ATP10A: variants seen among roughly 807,000 people sequenced by gnomAD.
The protein encoded by ATP10A is ATPase phospholipid transporting 10A (putative), also known as phospholipid-transporting ATPase VA.
Under a neutral mutation model 147.8 loss-of-function variants are expected in ATP10A, and 111 were observed. That is an observed-to-expected ratio of 0.75 (90% CI 0.64 to 0.88). The LOEUF is 0.88. Ranked by LOEUF, ATP10A falls within the 40% of genes least tolerant of loss-of-function variation. The probability of loss-of-function intolerance (pLI) is 0.00; values close to 1 mark genes in which losing one functional copy is unlikely to be tolerated. For missense variants in ATP10A, 1,927 were observed against 1,959.0 expected, an observed-to-expected ratio of 0.98 and a Z score of 0.31; for synonymous variants, 875 against 841.6, an observed-to-expected ratio of 1.04 and a Z score of -0.69.
chr15:25,857,433 C>T (rs1036427282), intron 1 of ATP10A, among the ~76,000 whole-genome samples: 7 of 152,100 alleles, frequency 4.6e-5, no homozygotes, highest in African/African-American at 7.2e-5. Context: ...GGCAACAGGG[C>T]AAGACTCTGT....
intron 1 of ATP10A, among the ~76,000 whole-genome samples, chr15:25,817,633 C>T (rs1373685174): frequency 6.6e-6 from 1 of 152,156 alleles, no homozygotes; most frequent in African/African-American, 2.4e-5. Context: ...TCTTTCCTTT[C>T]CCCCAAATCT....
chr15:25,807,665 G>T (rs1172042283), intron 1 of ATP10A, among the ~76,000 whole-genome samples: 1 of 152,108 alleles, frequency 6.6e-6, no homozygotes, highest in East Asian at 1.9e-4. Flanking sequence ...AGCTGGGCAT[G>T]GTGGTGCACA....
intron 2 of ATP10A, among the ~76,000 whole-genome samples, chr15:25,780,547 C>T (rs114243909): frequency 0.036 from 5,488 of 152,246 alleles, 119 homozygotes; most frequent in Middle Eastern, 0.068. Flanking sequence ...CACCCCTCAC[C>T]CTGCTGCACG....
rs1343034240 is a variant in ATP10A, at chr15:25,863,118, G to C, written c.-22C>G. On this transcript the variant is annotated 5_prime_UTR_variant, in exon 1 of 21. Coordinates refer to ENST00000555815, the MANE Select transcript of ATP10A (RefSeq NM_024490.4). ...CCATGGCCGCGTGTCGCCGCGCCCG[G>C]CTCCTCCGCCGCTCACGCCCGCCCG... 3 of 1,155,292 alleles carry C rather than the reference G, an allele frequency of 2.6e-6. No homozygotes were observed. The highest frequency in any genetic ancestry group is 3.2e-6 in the Non-Finnish European group (3 of 939,958). The allele number at this position is 1,155,292 out of a possible 1,614,324, so 71.6% of individuals were successfully genotyped here.
intron 1 of ATP10A, among the ~76,000 whole-genome samples, chr15:25,798,761 C>A (rs370107654): frequency 6.4e-4 from 97 of 152,304 alleles, no homozygotes; most frequent in African/African-American, 2.3e-3. Flanking sequence ...GAACAAACTG[C>A]AGACCGTGGG....
In ATP10A at chr15:25,678,773, G is replaced by T. The variant is rs1051582987; in HGVS notation, c.*568C>A. ...TTAACAGGCAAAATACGACACCAGGGATGTAATACCTACAAGGCGGTCTTC... is the reference window on the plus strand; with the variant it reads ...TTAACAGGCAAAATACGACACCAGGTATGTAATACCTACAAGGCGGTCTTC... On this transcript the variant is annotated 3_prime_UTR_variant, in exon 21 of 21. Coordinates refer to ENST00000555815, the MANE Select transcript of ATP10A (RefSeq NM_024490.4). 3 of 152,228 alleles carry T rather than the reference G, an allele frequency of 2.0e-5. No individual in the cohort carries two copies. The highest frequency in any genetic ancestry group is 2.0e-4 in the Admixed American group (3 of 15,278). The allele number at this position is 152,228 out of a possible 1,614,324, so 9.4% of individuals were successfully genotyped here. A position where few individuals can be genotyped will look rare whatever the true frequency, so the allele number is the denominator to read the frequency against.
chr15:25,718,152 G>T, intron 8 of ATP10A, 30 bp downstream of exon 8: 2 of 1,597,130 alleles, frequency 1.3e-6, no homozygotes, highest in Non-Finnish European at 1.7e-6. Flanking sequence ...AGACGTGGCA[G>T]CACCCTAGCA....
chr15:25,703,125 TG>T (rs1900769794), intron 12 of ATP10A, among the ~76,000 whole-genome samples: 1 of 152,120 alleles, frequency 6.6e-6, no homozygotes, highest in Non-Finnish European at 1.5e-5. Flanking sequence ...CGGGAGGCCG[TG>T]GCGGGCGGGT....
intron 16 of ATP10A, among the ~76,000 whole-genome samples, chr15:25,686,772 C>G (rs1413345955): frequency 9.3e-6 from 1 of 106,994 alleles, no homozygotes; most frequent in Non-Finnish European, 1.7e-5. Context: ...CTAGAAATCT[C>G]TTACAAATGG....
chr15:25,777,780 TTC>T lies in ATP10A; in HGVS notation c.654+3237_654+3238del, dbSNP rs1567376437. The stretch of plus-strand genomic sequence containing the variant: ...ATATCTGGCAATTTTTTTTCTTTCT[TTC>T]TTTTTTTTTTTTTGAGATGGGGTTT... On this transcript the variant is annotated intron_variant, in intron 2 of 20. Coordinates refer to ENST00000555815, the MANE Select transcript of ATP10A (RefSeq NM_024490.4). 7.5e-5 allele frequency among the ~76,000 whole-genome samples: 9 copies of T among 120,540 alleles called. 1 individual carries two copies. Among genetic ancestry groups the T allele is most frequent in the Admixed American group, 9.0e-5 (1 of 11,126 alleles). 79.1% of individuals were successfully genotyped at this position (120,540 alleles called of 152,430 possible).
At chr15:25,837,410 A>G (rs962351486) in intron 1 of ATP10A, among the ~76,000 whole-genome samples, 2 of 152,218 alleles carry the variant, frequency 1.3e-5, no homozygotes, top group Admixed American at 6.5e-5. Flanking sequence ...GAAATAAGCC[A>G]GACACAGAGA....
intron 14 of ATP10A, among the ~76,000 whole-genome samples, chr15:25,693,531 T>C (rs917052936): frequency 2.8e-4 from 32 of 112,500 alleles, no homozygotes; most frequent in African/African-American, 1.0e-3. Context: ...AGGGCTGACG[T>C]TGTCCTCGTG....
At chr15:25,727,858 A>G (rs1413706701) in intron 3 of ATP10A, among the ~76,000 whole-genome samples, 3 of 152,226 alleles carry the variant, frequency 2.0e-5, no homozygotes, top group Admixed American at 2.0e-4. Flanking sequence ...GTCTAAGCTT[A>G]AGCTACTGGT....
intron 6 of ATP10A, among the ~76,000 whole-genome samples, chr15:25,723,595 C>G (rs1383903466): frequency 6.6e-6 from 1 of 151,788 alleles, no homozygotes; most frequent in South Asian, 2.1e-4. Context: ...AAAATAAAAT[C>G]TATTTTTTTT....
Position 25,781,868 on chromosome 15 carries a change from T to A in ATP10A, c.450-645A>T, listed in dbSNP as rs28818240. Among the ~76,000 whole-genome samples the A allele has an allele frequency of 8.1e-3, 1,234 of 152,228 alleles. 20 individuals carry two copies. The highest frequency in any genetic ancestry group is 0.028 in the African/African-American group (1,178 of 41,528). On this transcript the variant is annotated intron_variant, in intron 1 of 20. Coordinates refer to ENST00000555815, the MANE Select transcript of ATP10A (RefSeq NM_024490.4). ...GGCAAGAGGCTTCTTTCTAGGAAGA[T>A]ATGAATATTCTGGAATTAGTGACAG... is the stretch of plus-strand genomic sequence containing the variant.
At chr15:25,763,743 A>G (rs1216439914) in intron 2 of ATP10A, among the ~76,000 whole-genome samples, 1 of 152,312 alleles carries the variant, frequency 6.6e-6, no homozygotes, top group East Asian at 1.9e-4. Flanking sequence ...TTTGCAGATG[A>G]GAGCTGGCCA....
At chr15:25,794,367 CA>C (rs35644910) in intron 1 of ATP10A, among the ~76,000 whole-genome samples, 20 of 148,990 alleles carry the variant, frequency 1.3e-4, no homozygotes, top group South Asian at 4.2e-4. Context: ...ATATAAGAAG[CA>C]AAAAAAAAAT....
chr15:25,847,224 C>A (rs181838073), intron 1 of ATP10A, among the ~76,000 whole-genome samples: 14 of 111,032 alleles, frequency 1.3e-4, no homozygotes, highest in African/African-American at 3.1e-4. Flanking sequence ...CTGAGCAGCA[C>A]GCGCAGGCAC....
rs147509751 is a variant in ATP10A, at chr15:25,759,801, CAA to C, written c.654+21216_654+21217del. ...TCCAGCCTGGGTGGAGACCCTGTCT[CAA>C]AAAAAAAAAAAAATAGTGAAAAGTT... On this transcript the variant is annotated intron_variant, in intron 2 of 20. Coordinates refer to ENST00000555815, the MANE Select transcript of ATP10A (RefSeq NM_024490.4). Among the ~76,000 whole-genome samples the C allele has an allele frequency of 1.1e-3, 148 of 138,040 alleles. 1 individual carries two copies. Among genetic ancestry groups the C allele is most frequent in the Middle Eastern group, 3.6e-3 (1 of 276 alleles). The allele number at this position is 138,040 out of a possible 152,430, so 90.6% of individuals were successfully genotyped here. A position where few individuals can be genotyped will look rare whatever the true frequency, so the allele number is the denominator to read the frequency against.
Sources: allele counts gnomAD v4.1 joint callset (sites outside exome capture counted in the v4.1 genomes callset), GRCh38; gene constraint gnomAD v4.1.1; transcripts MANE v1.5; gene names NCBI Gene and HGNC (gene_info 2026-07-23, HGNC 2026-07-21).